POU2F2: variants seen among roughly 807,000 people sequenced by gnomAD.
POU2F2 encodes POU class 2 homeobox 2, also known as POU domain, class 2, transcription factor 2.
Under a neutral mutation model 63.5 loss-of-function variants are expected in POU2F2, and 14 were observed. The observed-to-expected ratio is 0.22, with a 90% CI of 0.15 to 0.34. POU2F2 has a LOEUF of 0.34. POU2F2 is among the 10% of genes least tolerant of loss of function. The pLI, the probability that POU2F2 is intolerant of heterozygous loss-of-function variation, is 1.00. For missense variants in POU2F2, 607 were observed against 815.2 expected, an observed-to-expected ratio of 0.74 and a Z score of 3.11; for synonymous variants, 306 against 348.6, an observed-to-expected ratio of 0.88 and a Z score of 1.36.
upstream of POU2F2, among the ~76,000 whole-genome samples, chr19:42,197,525 A>T (rs1006724074): frequency 2.6e-5 from 4 of 152,176 alleles, no homozygotes; most frequent in East Asian, 3.8e-4. Flanking sequence ...CATCCCTGCA[A>T]GAAAGGCAGC....
In POU2F2 at chr19:42,156,891, C is replaced by CTAG. The variant is rs1447515849; in HGVS notation, c.-9+3438_-9+3440dup. 1 of 152,264 alleles carries CTAG rather than the reference C, an allele frequency of 6.6e-6. No homozygotes were observed. Among genetic ancestry groups the CTAG allele is most frequent in the Non-Finnish European group, 1.5e-5 (1 of 68,052 alleles). 9.4% of individuals were successfully genotyped at this position (152,264 alleles called of 1,614,324 possible). A position where few individuals can be genotyped will look rare whatever the true frequency, so the allele number is the denominator to read the frequency against. ...CAGACCCAGGATGAAAGCCGCTCAC[C>CTAG]TAGAGCAAAGCTTCTGCTTCCGAGG... On this transcript the variant is annotated intron_variant, in intron 2 of 6. Coordinates refer to the POU2F2 transcript ENST00000524801. The surrounding 1 kb of genome is among the most constrained non-coding windows in gnomAD (Gnocchi z 4.1).
chr19:42,105,956 C>G (rs2077319785), intron 5 of POU2F2, among the ~76,000 whole-genome samples: 1 of 151,034 alleles, frequency 6.6e-6, no homozygotes, highest in Middle Eastern at 3.5e-3. Context: ...GCCCTCTTCT[C>G]AGAATTAAAA....
chr19:42,098,366 T>C (rs2077001272), intron 7 of POU2F2, among the ~76,000 whole-genome samples: 1 of 150,270 alleles, frequency 6.7e-6, no homozygotes, highest in African/African-American at 2.5e-5. Context: ...TGAACTGATA[T>C]TGAGCCAATG....
intron 5 of POU2F2, chr19:42,116,888 C>T (rs868162133): frequency 1.7e-5 from 8 of 472,040 alleles, no homozygotes; most frequent in Middle Eastern, 3.9e-4. Flanking sequence ...GCGGCGGCGG[C>T]GGCGGCAGCG....
chr19:42,162,003 C>T lies in POU2F2; in HGVS notation c.-69-1611G>A, dbSNP rs1197418236. Among the ~76,000 whole-genome samples, 1 of 152,208 alleles carries T rather than the reference C, an allele frequency of 6.6e-6. No homozygotes were observed. The highest frequency in any genetic ancestry group is 2.1e-4 in the South Asian group (1 of 4,828). On this transcript the variant is annotated intron_variant, in intron 1 of 6. Coordinates refer to the POU2F2 transcript ENST00000524801. The surrounding 1 kb of genome is among the most constrained non-coding windows in gnomAD (Gnocchi z 4.1). ...CCGATTCCCAGTCAAAACAATTAGCCGCGCTGAGTGTTGAACACGGTGGCG... is the reference window on the plus strand; with the variant it reads ...CCGATTCCCAGTCAAAACAATTAGCTGCGCTGAGTGTTGAACACGGTGGCG...
At chr19:42,133,710 G>C (rs1314634231), upstream of POU2F2, among the ~76,000 whole-genome samples, 2 of 152,040 alleles carry the variant, frequency 1.3e-5, no homozygotes, top group Non-Finnish European at 2.9e-5. The surrounding 1 kb of genome is among the most constrained non-coding windows in gnomAD (Gnocchi z 5.1). Context: ...TGCTGACGAT[G>C]GTCACTCCCA....
intron 1 of POU2F2, among the ~76,000 whole-genome samples, chr19:42,126,465 AAG>A (rs2033209917): frequency 6.6e-6 from 1 of 151,918 alleles, no homozygotes; most frequent in African/African-American, 2.4e-5. Context: ...AAAGAAGAAA[AAG>A]AGGGAATTAG....
Position 42,092,950 on chromosome 19 carries a change from T to C in POU2F2, c.1265-680A>G, listed in dbSNP as rs1408864212. 6.7e-6 allele frequency among the ~76,000 whole-genome samples: 1 copy of C among 149,250 alleles called. No individual in the cohort carries two copies. The highest frequency in any genetic ancestry group is 1.5e-5 in the Non-Finnish European group (1 of 67,498). Reference sequence around the variant, plus strand: ...TTGTTTTATGTGTATATATATTATGTGTATATATATTATGCATATATATAT... The same window carrying C: ...TTGTTTTATGTGTATATATATTATGCGTATATATATTATGCATATATATAT... On this transcript the variant is annotated intron_variant, in intron 12 of 14. Transcript: ENST00000692977. This position sits in a 1 kb window ranked among gnomAD's most constrained non-coding sequence, Gnocchi z 5.0.
In POU2F2 at chr19:42,129,591, C is replaced by T. The variant is rs866514259; in HGVS notation, c.28+2793G>A. ...AGGACTGCCCCTCACCCCTCCTGGC[C>T]CCACTTGTCCTGTCCCCTGGGTCCC... On this transcript the variant is annotated intron_variant, in intron 1 of 14. Coordinates refer to ENST00000692977, the MANE Select transcript of POU2F2 (RefSeq NM_001394376.1). Among the ~76,000 whole-genome samples, 21 of 152,368 alleles carry T rather than the reference C, an allele frequency of 1.4e-4. 2 individuals carry two copies. The South Asian group carries it at 3.7e-3, about 27-fold the overall frequency.
chr19:42,122,173 T>G lies in POU2F2; in HGVS notation c.139A>C (p.Asn47His). ...GPDTNHQNPQ[N>H]KTSPFSVSPT... Reference sequence around the variant, plus strand: ...GACACGGAGAATGGGGAGGTCTTATTTTGGGGGTTCTGCAAAGAGAAAGTA... The same window carrying G: ...GACACGGAGAATGGGGAGGTCTTATGTTGGGGGTTCTGCAAAGAGAAAGTA... The change falls in exon 4 of 15, where the codon AAT (asparagine) becomes CAT (histidine). Residue 47 changes from asparagine (N) to histidine (H), a missense_variant. Asn to His is a moderately conservative substitution (Grantham distance 68, BLOSUM62 1). This residue lies in a region of POU2F2 where 224 missense variants were observed against 264.3 expected (regional missense o/e 0.85). Transcript: ENST00000692977. The G allele has an allele frequency of 6.2e-7, 1 of 1,613,186 alleles. No homozygotes were observed. Among genetic ancestry groups the G allele is most frequent in the East Asian group, 2.2e-5 (1 of 44,884 alleles).
upstream of POU2F2, among the ~76,000 whole-genome samples, chr19:42,133,679 GGCCCC>G (rs2033912659): frequency 6.6e-6 from 1 of 151,952 alleles, no homozygotes; most frequent in East Asian, 1.9e-4. This position sits in a 1 kb window ranked among gnomAD's most constrained non-coding sequence, Gnocchi z 5.1. Flanking sequence ...TATGTGCACA[GGCCCC>G]AACACCAGCC....
chr19:42,176,806 G>C (rs1373533358), upstream of POU2F2, among the ~76,000 whole-genome samples: 1 of 151,660 alleles, frequency 6.6e-6, no homozygotes, highest in East Asian at 1.9e-4. Flanking sequence ...GGCCGGGGCC[G>C]CGGCGGCGGC....
chr19:42,164,762 G>T (rs552060371), intron 1 of POU2F2, among the ~76,000 whole-genome samples: 1 of 151,922 alleles, frequency 6.6e-6, no homozygotes, highest in Non-Finnish European at 1.5e-5. Context: ...AGGAGTACAA[G>T]ACCAGCCTGG....
chr19:42,191,263 T>A (rs1334505111), intron 1 of POU2F2, among the ~76,000 whole-genome samples: 2 of 152,122 alleles, frequency 1.3e-5, no homozygotes, highest in African/African-American at 4.8e-5. Context: ...CAGCAGGGCA[T>A]CAGAGAACAG....
chr19:42,139,736 C>T (rs1046505908), intron 2 of POU2F2, among the ~76,000 whole-genome samples: 5 of 152,242 alleles, frequency 3.3e-5, no homozygotes, highest in Non-Finnish European at 5.9e-5. Context: ...CACTGTGGCC[C>T]GGCCCCAGCT....
intron 1 of POU2F2, among the ~76,000 whole-genome samples, chr19:42,174,421 G>A (rs1279539662): frequency 2.6e-5 from 4 of 152,294 alleles, no homozygotes; most frequent in East Asian, 1.9e-4. Context: ...ACGCGTGGAC[G>A]GCTTCCACGC....
Position 42,091,425 on chromosome 19 carries a change from C to T in POU2F2, c.1707G>A (p.Leu569=). The T allele has an allele frequency of 6.5e-7, 1 of 1,549,922 alleles. No homozygotes were observed. Among genetic ancestry groups the T allele is most frequent in the Non-Finnish European group, 8.7e-7 (1 of 1,146,924 alleles). The change falls in exon 15 of 15, where the codon CTG becomes CTA. Residue 569 remains leucine (L), a synonymous_variant. Transcript: ENST00000692977. ...CCACAGCCGCAGCCGCTGCTGAGAC[C>T]AGGCCCACACCAGGCGGGGTGCTGA... The part of the protein sequence containing the change: ...PLLSTPPGVG[L]VSAAAAAVAA...
chr19:42,117,503 G>A lies in POU2F2; in HGVS notation c.187-71C>T. Reference sequence around the variant, plus strand: ...TGGCACAGGAGGAGCAGACTGGGGTGTGGACATGAGGGTGCAGTCTGTGGT... The same window carrying A: ...TGGCACAGGAGGAGCAGACTGGGGTATGGACATGAGGGTGCAGTCTGTGGT... On this transcript the variant is annotated intron_variant, in intron 4 of 14. Coordinates refer to ENST00000692977, the MANE Select transcript of POU2F2 (RefSeq NM_001394376.1). This position sits in a 1 kb window ranked among gnomAD's most constrained non-coding sequence, Gnocchi z 4.4. The A allele has an allele frequency of 4.3e-6, 3 of 691,326 alleles. No homozygotes were observed. Among genetic ancestry groups the A allele is most frequent in the Non-Finnish European group, 7.5e-6 (3 of 402,206 alleles). The allele number at this position is 691,326 out of a possible 1,614,324, so 42.8% of individuals were successfully genotyped here.
upstream of POU2F2, among the ~76,000 whole-genome samples, chr19:42,177,541 A>G (rs1599723304): frequency 6.6e-6 from 1 of 151,712 alleles, no homozygotes; most frequent in Non-Finnish European, 1.5e-5. Flanking sequence ...AGAGATGCAG[A>G]CATATGCAGA....
Sources: gnomAD v4.1 joint callset for allele counts (sites outside exome capture counted in the v4.1 genomes callset) on GRCh38, gnomAD v4.1.1 for gene constraint, gnomAD v4.1.1 regional missense constraint, Gnocchi (gnomAD v3.1) non-coding constraint, MANE v1.5 for transcripts, NCBI Gene and HGNC (gene_info 2026-07-23, HGNC 2026-07-21) for gene names.